Variants in SYN3 observed in about 807,000 individuals in gnomAD.
The protein encoded by SYN3 is synapsin III.
SYN3 carries 35 observed loss-of-function variants against 65.8 expected under a neutral mutation model. The ratio of observed to expected loss-of-function variants is 0.53; its 90% CI spans 0.41 to 0.70. The LOEUF is 0.70. Ranked by LOEUF, SYN3 falls within the 30% of genes least tolerant of loss-of-function variation. SYN3 has a pLI of 0.00. For missense variants in SYN3, 680 were observed against 749.0 expected (o/e 0.91, Z 1.08); for synonymous variants, 270 against 292.9 (o/e 0.92, Z 0.80).
chr22:32,773,404 C>A (rs1354148658), intron 6 of SYN3, among the ~76,000 whole-genome samples: 1 of 56,450 alleles, frequency 1.8e-5, no homozygotes, highest in Non-Finnish European at 2.9e-5. Flanking sequence ...CAGACTCTGT[C>A]TCAAAAAAAA....
At chr22:32,994,520 G>A (rs1370866311) in intron 2 of SYN3, among the ~76,000 whole-genome samples, 1 of 152,170 alleles carries the variant, frequency 6.6e-6, no homozygotes, top group Non-Finnish European at 1.5e-5. Flanking sequence ...CAAACAGGCA[G>A]GGCCTGCCCT....
chr22:32,636,520 T>A (rs2059819659), intron 6 of SYN3, among the ~76,000 whole-genome samples: 1 of 152,180 alleles, frequency 6.6e-6, no homozygotes, highest in Non-Finnish European at 1.5e-5. Context: ...GCTGTCCCCA[T>A]GACGGGCCAT....
At chr22:32,677,231 CT>C (rs2060458460) in intron 6 of SYN3, among the ~76,000 whole-genome samples, 2 of 152,118 alleles carry the variant, frequency 1.3e-5, no homozygotes. Flanking sequence ...GGAATTCACT[CT>C]TTCTGGGTAA....
At chr22:32,959,902 CT>C (rs2051594809) in intron 3 of SYN3, among the ~76,000 whole-genome samples, 1 of 152,092 alleles carries the variant, frequency 6.6e-6, no homozygotes, top group Admixed American at 6.5e-5. Flanking sequence ...ACTTCAGATA[CT>C]TTTTTTTGAG....
At chr22:32,814,324 A>AAAGAAAGAAAGGAAGAAAGG (rs2047020225) in intron 6 of SYN3, among the ~76,000 whole-genome samples, 2 of 65,910 alleles carry the variant, frequency 3.0e-5, no homozygotes, top group Non-Finnish European at 6.3e-5. Flanking sequence ...AGACAGAAAG[A>AAAGAAAGAAAGGAAGAAAGG]AAGAAAGAAA....
chr22:32,963,861 C>T (rs906999318), intron 3 of SYN3, among the ~76,000 whole-genome samples: 6 of 152,072 alleles, frequency 3.9e-5, no homozygotes, highest in Non-Finnish European at 8.8e-5. Flanking sequence ...CAAATTAAGA[C>T]GAGTAATCAA....
chr22:32,821,395 G>T (rs1471358844), intron 6 of SYN3, among the ~76,000 whole-genome samples: 1 of 152,210 alleles, frequency 6.6e-6, no homozygotes, highest in Non-Finnish European at 1.5e-5. Context: ...AACCGCTAAG[G>T]TGTCATCAGT....
chr22:32,523,432 G>C (rs1309449150), intron 12 of SYN3, among the ~76,000 whole-genome samples: 1 of 152,170 alleles, frequency 6.6e-6, no homozygotes, highest in Non-Finnish European at 1.5e-5. Flanking sequence ...AGAATCGCTT[G>C]AGCCCAGGAG....
chr22:32,987,451 G>A (rs1199618858), intron 2 of SYN3, among the ~76,000 whole-genome samples: 1 of 152,170 alleles, frequency 6.6e-6, no homozygotes, highest in East Asian at 1.9e-4. Context: ...CCTGAGAACA[G>A]CTCACCCTCC....
At chr22:33,056,791 A>G (rs1461128022) in intron 1 of SYN3, among the ~76,000 whole-genome samples, 1 of 152,164 alleles carries the variant, frequency 6.6e-6, no homozygotes, top group Non-Finnish European at 1.5e-5. Context: ...TTCTGGTCTG[A>G]TTTCCCAGCG....
chr22:32,544,335 G>A (rs1247036660), intron 7 of SYN3, among the ~76,000 whole-genome samples: 4 of 152,086 alleles, frequency 2.6e-5, no homozygotes, highest in East Asian at 1.9e-4. Context: ...TTGGATTAAC[G>A]TGATCAAGGA....
rs529989071 is a variant in SYN3, at chr22:32,800,312, C to T, written c.711+64603G>A. Among the ~76,000 whole-genome samples, 4 of 152,096 alleles carry T rather than the reference C, an allele frequency of 2.6e-5. No individual in the cohort carries two copies. The South Asian group carries it at 8.3e-4, about 32-fold the overall frequency. On this transcript the variant is annotated intron_variant, in intron 6 of 13. Transcript: ENST00000358763. ...GATGGAAGATCCCAGCTGCAAATGG[C>T]CATTTGCAGTTAGATGGAACAGCTG... is the stretch of plus-strand genomic sequence containing the variant.
chr22:32,715,616 T>C (rs2061027001), intron 6 of SYN3, among the ~76,000 whole-genome samples: 1 of 151,910 alleles, frequency 6.6e-6, no homozygotes, highest in Non-Finnish European at 1.5e-5. Context: ...CCGTCTCTAC[T>C]AAAAATACAA....
chr22:32,941,972 C>A (rs1454277866), intron 3 of SYN3, among the ~76,000 whole-genome samples: 2 of 152,228 alleles, frequency 1.3e-5, no homozygotes, highest in African/African-American at 2.4e-5. Context: ...GGGAAGCCCA[C>A]CGCAGCTCAA....
intron 2 of SYN3, among the ~76,000 whole-genome samples, chr22:32,991,857 C>T (rs1255991075): frequency 6.6e-6 from 1 of 152,226 alleles, no homozygotes; most frequent in Admixed American, 6.5e-5. Context: ...CCTGCCACCA[C>T]AGATGGCCTC....
At chr22:32,553,325 C>T (rs2146310447) in intron 7 of SYN3, among the ~76,000 whole-genome samples, 1 of 152,114 alleles carries the variant, frequency 6.6e-6, no homozygotes, top group East Asian at 1.9e-4. Flanking sequence ...CATTTTGATC[C>T]GTTTTTAAAT....
In SYN3 at chr22:32,956,041, CAT is replaced by C. The variant is rs5845054; in HGVS notation, c.370-24562_370-24561del. On this transcript the variant is annotated intron_variant, in intron 3 of 13. Coordinates refer to ENST00000358763, the MANE Select transcript of SYN3 (RefSeq NM_003490.4). ...GAGTTAATACTACTTAATAAATTCA[CAT>C]ATATATATATATATATATAAAATCT... Among the ~76,000 whole-genome samples, 394 of 130,654 alleles carry C rather than the reference CAT, an allele frequency of 3.0e-3. 4 individuals carry two copies. The highest frequency in any genetic ancestry group is 4.8e-3 in the African/African-American group (146 of 30,170). The allele number at this position is 130,654 out of a possible 152,430, so 85.7% of individuals were successfully genotyped here.
chr22:32,596,787 A>T, intron 6 of SYN3, 51 bp from the exon 7 acceptor site: 6 of 1,578,458 alleles, frequency 3.8e-6, no homozygotes, highest in Non-Finnish European at 5.2e-6. Context: ...CATTGCCACC[A>T]AGGCTCTGGG....
At chr22:32,967,428 T>C (rs2051881498) in intron 3 of SYN3, among the ~76,000 whole-genome samples, 1 of 152,220 alleles carries the variant, frequency 6.6e-6, no homozygotes, top group Non-Finnish European at 1.5e-5. Context: ...CCTGAGGGAC[T>C]AGAAAATGCG....
Sources: gnomAD v4.1 joint callset for allele counts (sites outside exome capture counted in the v4.1 genomes callset) on GRCh38, gnomAD v4.1.1 for gene constraint, MANE v1.5 for transcripts, NCBI Gene and HGNC (gene_info 2026-07-23, HGNC 2026-07-21) for gene names.